Variants in PCDHB8 observed in about 807,000 individuals in gnomAD.
The protein encoded by PCDHB8 is protocadherin beta-8.
For synonymous variants in PCDHB8, 385 were observed against 448.5 expected (o/e 0.86, Z 1.79); for missense variants, 836 against 1,004.0 (o/e 0.83, Z 2.26).
At position 141,180,473 on chromosome 5, in the gene PCDHB8, ATCAAT is replaced by A. The variant is rs1554281739; in HGVS notation, c.*38_*42del. On this transcript the variant is annotated 3_prime_UTR_variant, in exon 1 of 1. Coordinates refer to ENST00000239444, the MANE Select transcript of PCDHB8 (RefSeq NM_019120.5). The stretch of plus-strand genomic sequence containing the variant: ...CATATTATATATTTTAATTTTTATG[ATCAAT>A]TCAAAGGAATGGTTTTCTGTCAACT... 3 of 1,389,746 alleles carry A rather than the reference ATCAAT, an allele frequency of 2.2e-6. No individual in the cohort carries two copies. The African/African-American group carries it at 4.4e-5, about 20-fold the overall frequency. The allele number at this position is 1,389,746 out of a possible 1,614,324, so 86.1% of individuals were successfully genotyped here.
chr5:141,178,932 G>A lies in PCDHB8; in HGVS notation c.898G>A (p.Gly300Arg). 6.2e-7 allele frequency: 1 copy of A among 1,614,244 alleles called. No homozygotes were observed. The highest frequency in any genetic ancestry group is 1.1e-5 in the South Asian group (1 of 91,088). The change falls in exon 1 of 1, where the codon GGA (glycine) becomes AGA (arginine). Residue 300 changes from glycine (G) to arginine (R), a missense_variant. Coordinates refer to ENST00000239444, the MANE Select transcript of PCDHB8 (RefSeq NM_019120.5). ...AACTTTTAAGGTCGATTTCTTGACA[G>A]GAGAAATTCGACTAAAGAAACAACT... is the stretch of plus-strand genomic sequence containing the variant. ...SKTFKVDFLT[G>R]EIRLKKQLDF...
chr5:141,179,986 C>T lies in PCDHB8; in HGVS notation c.1952C>T (p.Pro651Leu). 1 of 1,608,722 alleles carries T rather than the reference C, an allele frequency of 6.2e-7. No homozygotes were observed. Among genetic ancestry groups the T allele is most frequent in the Non-Finnish European group, 8.5e-7 (1 of 1,179,710 alleles). ...LVVLVKDNGE[P>L]PCSATATLHV... ...GTGCTGGTCAAGGACAATGGCGAGC[C>T]TCCGTGCTCGGCCACCGCCACGCTG... is the stretch of plus-strand genomic sequence containing the variant. Residue 651 changes from proline to leucine, a missense_variant, in exon 1 of 1, where the codon CCT becomes CTT. Transcript: ENST00000239444.
At position 141,180,144 on chromosome 5, in the gene PCDHB8, T is replaced by C. The variant is rs112099599; in HGVS notation, c.2110T>C (p.Phe704Leu). The C allele has an allele frequency of 9.4e-5, 152 of 1,611,452 alleles. No homozygotes were observed. In the East Asian group the frequency reaches 9.6e-4, roughly 10 times the overall value. ...ALASVSSLFLFSVLLFVAVLL... is the reference protein window; with the variant it reads ...ALASVSSLFLLSVLLFVAVLL... ...GGCCTCGGTGTCTTCGCTCTTCCTC[T>C]TCTCGGTGCTCCTGTTCGTGGCGGT... The change falls in exon 1 of 1, where the codon TTC (phenylalanine) becomes CTC (leucine). Residue 704 changes from phenylalanine (F) to leucine (L), a missense_variant. Phe to Leu is a conservative substitution (Grantham distance 22). Transcript: ENST00000239444.
In PCDHB8 at chr5:141,179,946, A is replaced by G. The variant is rs782027000; in HGVS notation, c.1912A>G (p.Lys638Glu). The change falls in exon 1 of 1, where the codon AAG becomes GAG. Residue 638 changes from lysine (K) to glutamate (E), a missense_variant. Physicochemically the swap from Lys to Glu is moderately conservative, Grantham distance 56. Coordinates refer to ENST00000239444, the MANE Select transcript of PCDHB8 (RefSeq NM_019120.5). ...ARLLSERDAAKQRLVVLVKDN... is the reference protein window; with the variant it reads ...ARLLSERDAAEQRLVVLVKDN... ...GCTGCTGAGCGAGCGCGACGCGGCC[A>G]AGCAGAGGCTGGTGGTGCTGGTCAA... The G allele has an allele frequency of 1.2e-6, 2 of 1,608,912 alleles. No individual in the cohort carries two copies. Among genetic ancestry groups the G allele is most frequent in the Non-Finnish European group, 1.7e-6 (2 of 1,179,568 alleles).
rs7700858 is a variant in PCDHB8, at chr5:141,179,037, C to T, written c.1003C>T (p.Leu335=). ...AGGCTTTTCTGGAAAATGCACCGTT[C>T]TGATTCAAGTGATAGATGTGAACGA... ...AGGFSGKCTV[L]IQVIDVNDHA... The change falls in exon 1 of 1, where the codon CTG becomes TTG. Residue 335 remains leucine, a synonymous_variant. Coordinates refer to ENST00000239444, the MANE Select transcript of PCDHB8 (RefSeq NM_019120.5). 7 of 1,614,098 alleles carry T rather than the reference C, an allele frequency of 4.3e-6. No homozygotes were observed. Among genetic ancestry groups the T allele is most frequent in the African/African-American group, 1.3e-5 (1 of 74,914 alleles).
chr5:141,178,001 C>A lies in PCDHB8; in HGVS notation c.-34C>A. The stretch of plus-strand genomic sequence containing the variant: ...CTGGGGACTTTACAGTCCCACAGAA[C>A]CGTCCTCCCAGGAAGCTGAATTCAG... On this transcript the variant is annotated 5_prime_UTR_variant, in exon 1 of 1. Transcript: ENST00000239444. The A allele has an allele frequency of 1.2e-6, 2 of 1,613,822 alleles. No individual in the cohort carries two copies. Among genetic ancestry groups the A allele is most frequent in the East Asian group, 4.5e-5 (2 of 44,888 alleles).
At position 141,180,044 on chromosome 5, in the gene PCDHB8, C is replaced by G. The variant is rs1554281522; in HGVS notation, c.2010C>G (p.Pro670=). The part of the protein sequence containing the change: ...HVLLVDGFSQ[P]YLPLPEAAPA... ...TCCTGGTGGACGGCTTCTCCCAGCC[C>G]TACCTGCCGCTTCCGGAGGCTGCCC... The change falls in exon 1 of 1, where the codon CCC becomes CCG. Residue 670 remains proline (P), a synonymous_variant. Coordinates refer to ENST00000239444, the MANE Select transcript of PCDHB8 (RefSeq NM_019120.5). 3.1e-6 allele frequency: 5 copies of G among 1,609,626 alleles called. No individual in the cohort carries two copies. The highest frequency in any genetic ancestry group is 4.2e-6 in the Non-Finnish European group (5 of 1,179,828).
Position 141,177,917 on chromosome 5 carries a change from G to A in PCDHB8, c.-118G>A. ...AAAGGGAGGACGGCTGGGTCCTCTG[G>A]AGAGGACTACTCACTGGCATATTTC... On this transcript the variant is annotated 5_prime_UTR_variant, in exon 1 of 1. Coordinates refer to ENST00000239444, the MANE Select transcript of PCDHB8 (RefSeq NM_019120.5). 1.5e-6 allele frequency: 2 copies of A among 1,324,922 alleles called. No individual in the cohort carries two copies. Among genetic ancestry groups the A allele is most frequent in the Non-Finnish European group, 1.0e-6 (1 of 955,762 alleles). The allele number at this position is 1,324,922 out of a possible 1,614,324, so 82.1% of individuals were successfully genotyped here.
chr5:141,179,232 A>T lies in PCDHB8; in HGVS notation c.1198A>T (p.Asn400Tyr). ...CTTCCTCCTGAAATCTTCTGTGGGG[A>T]ACTTTTACACCCTACTAACAGAGAC... ...LPFLLKSSVG[N>Y]FYTLLTETPL... Residue 400 changes from asparagine (N) to tyrosine (Y), a missense_variant, in exon 1 of 1, where the codon AAC becomes TAC. By Grantham distance (143) the Asn-to-Tyr change is moderately radical. Transcript: ENST00000239444. The T allele has an allele frequency of 6.2e-7, 1 of 1,614,160 alleles. No individual in the cohort carries two copies. The highest frequency in any genetic ancestry group is 8.5e-7 in the Non-Finnish European group (1 of 1,180,042).
chr5:141,180,299 C>G lies in PCDHB8; in HGVS notation c.2265C>G (p.Cys755Trp). The G allele has an allele frequency of 6.2e-7, 1 of 1,614,018 alleles. No homozygotes were observed. Among genetic ancestry groups the G allele is most frequent in the Non-Finnish European group, 8.5e-7 (1 of 1,179,956 alleles). Residue 755 changes from cysteine to tryptophan, a missense_variant, in exon 1 of 1, where the codon TGC (cysteine) becomes TGG (tryptophan). Transcript: ENST00000239444. ...SLSQNYQYEV[C>W]LAGGSGTNEF... ...CTCAGAACTATCAGTACGAGGTGTG[C>G]CTGGCAGGAGGCTCAGGGACGAATG...
Position 141,179,499 on chromosome 5 carries a change from T to C in PCDHB8, c.1465T>C (p.Tyr489His), listed in dbSNP as rs1554281236. 1 of 1,613,622 alleles carries C rather than the reference T, an allele frequency of 6.2e-7. No homozygotes were observed. Residue 489 changes from tyrosine (Y) to histidine (H), a missense_variant, in exon 1 of 1, where the codon TAC (tyrosine) becomes CAC (histidine). Tyr to His is a moderately conservative substitution (Grantham distance 83). Coordinates refer to ENST00000239444, the MANE Select transcript of PCDHB8 (RefSeq NM_019120.5). ...RDSGTNAQVTYSLLPPQDPHL... is the reference protein window; with the variant it reads ...RDSGTNAQVTHSLLPPQDPHL... ...CTCGGGCACCAACGCCCAGGTCACC[T>C]ACTCGCTGCTGCCGCCCCAGGATCC...
Position 141,180,048 on chromosome 5 carries a change from C to T in PCDHB8, c.2014C>T (p.Leu672=). The part of the protein sequence containing the change: ...LLVDGFSQPY[L]PLPEAAPAQG... ...GGTGGACGGCTTCTCCCAGCCCTACCTGCCGCTTCCGGAGGCTGCCCCAGC... is the reference window on the plus strand; with the variant it reads ...GGTGGACGGCTTCTCCCAGCCCTACTTGCCGCTTCCGGAGGCTGCCCCAGC... The change falls in exon 1 of 1, where the codon CTG becomes TTG. Residue 672 remains leucine (L), a synonymous_variant. Transcript: ENST00000239444. The T allele has an allele frequency of 6.2e-7, 1 of 1,609,770 alleles. No individual in the cohort carries two copies. The highest frequency in any genetic ancestry group is 8.5e-7 in the Non-Finnish European group (1 of 1,179,834).
At position 141,180,136 on chromosome 5, in the gene PCDHB8, T is replaced by C; in HGVS notation, c.2102T>C (p.Leu701Pro). 1.2e-6 allele frequency: 2 copies of C among 1,611,362 alleles called. No individual in the cohort carries two copies. Among genetic ancestry groups the C allele is most frequent in the Non-Finnish European group, 1.7e-6 (2 of 1,179,854 alleles). Residue 701 changes from leucine (L) to proline (P), a missense_variant, in exon 1 of 1, where the codon CTC becomes CCC. Transcript: ENST00000239444. ...GTGGCGTTGGCCTCGGTGTCTTCGC[T>C]CTTCCTCTTCTCGGTGCTCCTGTTC... Reference protein sequence around the residue: ...LVVALASVSSLFLFSVLLFVA... With the variant: ...LVVALASVSSPFLFSVLLFVA...
In PCDHB8 at chr5:141,178,136, T is replaced by A. The variant is rs1753426575; in HGVS notation, c.102T>A (p.Tyr34Ter). 1 of 1,608,236 alleles carries A rather than the reference T, an allele frequency of 6.2e-7. No individual in the cohort carries two copies. Among genetic ancestry groups the A allele is most frequent in the Non-Finnish European group, 8.5e-7 (1 of 1,177,306 alleles). ...CGGGCGCGGCGGAACCTAGAAGCTA[T>A]TCTGTGGTGGAGGAAACTGAGGGCA... is the stretch of plus-strand genomic sequence containing the variant. ...SLAGAAEPRS[Y>*]SVVEETEGSS... Residue 34 changes from tyrosine (Y) to a stop codon, truncating the protein, a stop_gained, in exon 1 of 1, where the codon TAT (tyrosine) becomes TAA (stop). Transcript: ENST00000239444. LOFTEE classifies it low-confidence loss of function (END_TRUNC).
In PCDHB8 at chr5:141,179,863, C is replaced by A. The variant is rs782723370; in HGVS notation, c.1829C>A (p.Ala610Asp). The change falls in exon 1 of 1, where the codon GCC becomes GAC. Residue 610 changes from alanine to aspartate, a missense_variant. Physicochemically the swap from Ala to Asp is moderately radical, Grantham distance 126. Transcript: ENST00000239444. ...NAWLSYQLLK[A>D]TEPGLFGVWA... ...TGGCTGTCGTACCAGCTGCTCAAGG[C>A]CACGGAGCCCGGGCTGTTCGGTGTG... 1 of 1,609,804 alleles carries A rather than the reference C, an allele frequency of 6.2e-7. No homozygotes were observed.
rs782534208 is a variant in PCDHB8, at chr5:141,180,401, C to G, written c.2367C>G (p.Asn789Lys). The change falls in exon 1 of 1, where the codon AAC becomes AAG. Residue 789 changes from asparagine (N) to lysine (K), a missense_variant. Transcript: ENST00000239444. ...SFGPEMEQNSNFRNGFGFSLQ... is the reference protein window; with the variant it reads ...SFGPEMEQNSKFRNGFGFSLQ... Reference sequence around the variant, plus strand: ...GGCCAGAAATGGAACAAAACTCTAACTTTAGGAATGGCTTTGGTTTCAGCC... The same window carrying G: ...GGCCAGAAATGGAACAAAACTCTAAGTTTAGGAATGGCTTTGGTTTCAGCC... 3.7e-6 allele frequency: 6 copies of G among 1,602,744 alleles called. No homozygotes were observed. In the East Asian group the frequency reaches 1.3e-4, roughly 36 times the overall value.
In PCDHB8 at chr5:141,179,341, T is replaced by A; in HGVS notation, c.1307T>A (p.Leu436His). 6.2e-7 allele frequency: 1 copy of A among 1,614,190 alleles called. No homozygotes were observed. Among genetic ancestry groups the A allele is most frequent in the South Asian group, 1.1e-5 (1 of 91,082 alleles). ...DLGTPRLTTH[L>H]NMTVLVSDVN... ...GGGACACCCAGGCTGACAACACATC[T>A]CAATATGACCGTGCTGGTGTCGGAC... The change falls in exon 1 of 1, where the codon CTC becomes CAC. Residue 436 changes from leucine (L) to histidine (H), a missense_variant. By Grantham distance (99) the Leu-to-His change is moderately conservative. Transcript: ENST00000239444.
At position 141,180,167 on chromosome 5, in the gene PCDHB8, G is replaced by A. The variant is rs1554281623; in HGVS notation, c.2133G>A (p.Ala711=). The part of the protein sequence containing the change: ...LFLFSVLLFV[A]VLLCRRSRAA... The stretch of plus-strand genomic sequence containing the variant: ...TCTTCTCGGTGCTCCTGTTCGTGGC[G>A]GTGCTGCTGTGTAGGAGGAGCAGGG... The change falls in exon 1 of 1, where the codon GCG becomes GCA. Residue 711 remains alanine, a synonymous_variant. Transcript: ENST00000239444. 1.9e-6 allele frequency: 3 copies of A among 1,612,320 alleles called. No individual in the cohort carries two copies. Among genetic ancestry groups the A allele is most frequent in the Admixed American group, 1.7e-5 (1 of 60,016 alleles).
At position 141,180,351 on chromosome 5, in the gene PCDHB8, C is replaced by G; in HGVS notation, c.2317C>G (p.Pro773Ala). 1.2e-6 allele frequency: 2 copies of G among 1,614,108 alleles called. No individual in the cohort carries two copies. Among genetic ancestry groups the G allele is most frequent in the Non-Finnish European group, 1.7e-6 (2 of 1,179,996 alleles). The part of the protein sequence containing the change: ...NEFQLLKPVL[P>A]NIQGHSFGPE... The stretch of plus-strand genomic sequence containing the variant: ...GTTCCAGCTCCTGAAACCAGTATTA[C>G]CTAATATTCAGGGCCATTCTTTTGG... The change falls in exon 1 of 1, where the codon CCT becomes GCT. Residue 773 changes from proline to alanine, a missense_variant. By Grantham distance (27) the Pro-to-Ala change is conservative. Transcript: ENST00000239444.
Sources: allele counts gnomAD v4.1 joint callset, GRCh38; gene constraint gnomAD v4.1.1; transcripts MANE v1.5; gene names NCBI Gene and HGNC (gene_info 2026-07-23, HGNC 2026-07-21).